Variants in WDR47 observed in about 807,000 individuals in gnomAD.
WDR47 encodes WD repeat domain 47, also known as WD repeat-containing protein 47.
In WDR47, 32 loss-of-function variants were observed where a neutral mutation model predicts 97.2. The ratio of observed to expected loss-of-function variants is 0.33; its 90% CI spans 0.25 to 0.44. WDR47 has a LOEUF of 0.44. Ranked by LOEUF, WDR47 falls within the 20% of genes least tolerant of loss-of-function variation. The pLI is 1.00. For synonymous variants in WDR47, 375 were observed against 373.5 expected, an observed-to-expected ratio of 1.00 and a Z score of -0.05; for missense variants, 782 against 1,102.3, an observed-to-expected ratio of 0.71 and a Z score of 4.11.
chr1:108,995,675 T>C lies in WDR47; in HGVS notation c.1596A>G (p.Thr532=). The change falls in exon 8 of 15, where the codon ACA becomes ACG. Residue 532 remains threonine (T), a synonymous_variant. Coordinates refer to ENST00000369962, the MANE Select transcript of WDR47 (RefSeq NM_001142551.2). ...TPPQDSSQRL[T]HDASNIHTST... is the part of the protein sequence containing the mutation. ...TTGTATGAATATTTGAAGCATCATG[T>C]GTTAATCTCTGACTAGAGTCTTGGG... 1 of 1,614,160 alleles carries C rather than the reference T, an allele frequency of 6.2e-7. No homozygotes were observed. Among genetic ancestry groups the C allele is most frequent in the Non-Finnish European group, 8.5e-7 (1 of 1,180,008 alleles).
At chr1:109,007,423 A>C (rs1221959589) in intron 5 of WDR47, among the ~76,000 whole-genome samples, 1 of 152,094 alleles carries the variant, frequency 6.6e-6, no homozygotes, top group Non-Finnish European at 1.5e-5. Context: ...AGCCTCCCAA[A>C]GTGCTGGGAT....
chr1:109,037,622 G>A (rs1203934068), intron 1 of WDR47, among the ~76,000 whole-genome samples: 4 of 116,732 alleles, frequency 3.4e-5, no homozygotes, highest in African/African-American at 1.0e-4. Flanking sequence ...GCGAGACCTC[G>A]TCTCAAAAAA....
chr1:108,995,470 A>T, intron 8 of WDR47, 110 bp downstream of exon 8: 1 of 1,297,584 alleles, frequency 7.7e-7, no homozygotes, highest in Non-Finnish European at 1.1e-6. Flanking sequence ...AAAAATTGGT[A>T]GGCAGTAAGC....
chr1:109,040,035 C>CAAAAAAAAAAAAAAAAAAAAAAAAAAA, intron 1 of WDR47, among the ~76,000 whole-genome samples: 1 of 51,136 alleles, frequency 2.0e-5, no homozygotes, highest in Non-Finnish European at 4.0e-5. Context: ...GACTCCGTCT[C>CAAAAAAAAAAAAAAAAAAAAAAAAAAA]AAAAAAAAAA....
intron 13 of WDR47, among the ~76,000 whole-genome samples, chr1:108,975,238 C>T (rs1351178990): frequency 6.6e-6 from 1 of 151,756 alleles, no homozygotes; most frequent in African/African-American, 2.4e-5. Flanking sequence ...CTCTTGGGGG[C>T]ATATATTCAG....
rs769076633 is a variant in WDR47, at chr1:108,982,827, T to C, written c.2096-48A>G. Reference sequence around the variant, plus strand: ...AAAAAAAAAATGCTGCTCAACTTACTGTGATAACTTGAGATTGCTAAACTA... The same window carrying C: ...AAAAAAAAAATGCTGCTCAACTTACCGTGATAACTTGAGATTGCTAAACTA... On this transcript the variant is annotated intron_variant, in intron 11 of 14. Transcript: ENST00000369962. 7 of 1,546,006 alleles carry C rather than the reference T, an allele frequency of 4.5e-6. No individual in the cohort carries two copies. In the South Asian group the frequency reaches 8.6e-5, roughly 19 times the overall value.
At chr1:109,017,316 T>C (rs563420816) in intron 3 of WDR47, among the ~76,000 whole-genome samples, 83 of 152,210 alleles carry the variant, frequency 5.5e-4, no homozygotes, top group African/African-American at 1.9e-3. Flanking sequence ...AGTGGGAGGA[T>C]TGCTTGAGCC....
Position 109,004,700 on chromosome 1 carries a change from A to G in WDR47, c.1146T>C (p.Asp382=). The change falls in exon 6 of 15, where the codon GAT becomes GAC. Residue 382 remains aspartate, a synonymous_variant. Coordinates refer to ENST00000369962, the MANE Select transcript of WDR47 (RefSeq NM_001142551.2). ...TTTCACTGCCGATAGGCCTCTGTGC[A>G]TCAACAGGTGTATCACTTCTTCCAG... ...EESPERDTPV[D]AQRPIGSEIL... The G allele has an allele frequency of 1.2e-6, 2 of 1,607,604 alleles. No individual in the cohort carries two copies. Among genetic ancestry groups the G allele is most frequent in the Non-Finnish European group, 1.7e-6 (2 of 1,177,212 alleles).
At chr1:108,978,280 C>T (rs1658077231) in intron 13 of WDR47, among the ~76,000 whole-genome samples, 1 of 151,690 alleles carries the variant, frequency 6.6e-6, no homozygotes, top group East Asian at 1.9e-4. Flanking sequence ...TCGAGACCAT[C>T]CTGGCTAACA....
intron 4 of WDR47, among the ~76,000 whole-genome samples, chr1:109,012,692 A>G (rs1661135283): frequency 6.6e-6 from 1 of 152,150 alleles, no homozygotes; most frequent in South Asian, 2.1e-4. Context: ...TATAGTGAAT[A>G]TTGTCTTTGA....
At chr1:108,992,160 CAA>C (rs950689071) in intron 8 of WDR47, 2 of 640,926 alleles carry the variant, frequency 3.1e-6, no homozygotes, top group East Asian at 2.8e-5. Context: ...AATAAGGAAA[CAA>C]GAGCAAGATC....
At chr1:108,972,967 C>A (rs1408503941) in intron 14 of WDR47, among the ~76,000 whole-genome samples, 1 of 137,156 alleles carries the variant, frequency 7.3e-6, no homozygotes, top group African/African-American at 2.7e-5. Flanking sequence ...AAAAAAAAGT[C>A]TATAAAACCC....
chr1:109,026,911 G>T (rs1018857439), intron 1 of WDR47, among the ~76,000 whole-genome samples: 18 of 151,902 alleles, frequency 1.2e-4, no homozygotes, highest in African/African-American at 4.1e-4. Context: ...ATTTTATACT[G>T]ACAGTTGAAG....
chr1:108,990,166 A>G (rs1659208492), intron 9 of WDR47, among the ~76,000 whole-genome samples: 1 of 151,926 alleles, frequency 6.6e-6, no homozygotes, highest in Non-Finnish European at 1.5e-5. Flanking sequence ...ATTTGAGACC[A>G]GCCTGGGTGA....
intron 2 of WDR47, 109 bp from the exon 3 acceptor site, chr1:109,017,710 G>T: frequency 6.2e-6 from 5 of 812,010 alleles, no homozygotes; most frequent in Admixed American, 3.0e-5. Flanking sequence ...CACACAATGA[G>T]ATTAACATTT....
intron 1 of WDR47, among the ~76,000 whole-genome samples, chr1:109,039,176 T>A (rs1041372346): frequency 6.6e-6 from 1 of 152,104 alleles, no homozygotes; most frequent in Non-Finnish European, 1.5e-5. Context: ...CAAACTGGGA[T>A]ACAATGATCG....
intron 14 of WDR47, among the ~76,000 whole-genome samples, chr1:108,972,490 T>C (rs889378170): frequency 1.3e-5 from 2 of 152,178 alleles, no homozygotes; most frequent in African/African-American, 2.4e-5. Flanking sequence ...AAAATGCTTA[T>C]AGCCCACCAA....
intron 1 of WDR47, among the ~76,000 whole-genome samples, chr1:109,028,273 C>T (rs1662350153): frequency 6.6e-6 from 1 of 150,994 alleles, no homozygotes; most frequent in South Asian, 2.1e-4. Context: ...CAGCCTTGGC[C>T]TTCTGGGCTC....
rs1249746683 is a variant in WDR47 at position 108,983,366 on chromosome 1, G to T, written c.2011C>A (p.Pro671Thr). The change falls in exon 11 of 15, where the codon CCT (proline) becomes ACT (threonine). Residue 671 changes from proline (P) to threonine (T), a missense_variant. By Grantham distance (38) the Pro-to-Thr change is conservative (BLOSUM62 -1). Coordinates refer to ENST00000369962, the MANE Select transcript of WDR47 (RefSeq NM_001142551.2). ...KGSIYCVAWS[P>T]CGQLLATGSN... ...CCTGTTGCTAATAACTGCCCACAAG[G>T]ACTCCAGGCCACACAGTAAATGGAT... The T allele has an allele frequency of 6.2e-7, 1 of 1,613,064 alleles. No homozygotes were observed. The highest frequency in any genetic ancestry group is 8.5e-7 in the Non-Finnish European group (1 of 1,179,540).
Sources: allele counts gnomAD v4.1 joint callset (sites outside exome capture counted in the v4.1 genomes callset), GRCh38; gene constraint gnomAD v4.1.1; transcripts MANE v1.5; gene names NCBI Gene and HGNC (gene_info 2026-07-23, HGNC 2026-07-21).